Variants in CHN2 observed in about 807,000 individuals in gnomAD.
CHN2 encodes chimerin 2.
CHN2 carries 35 observed loss-of-function variants against 56.3 expected under a neutral mutation model. The ratio of observed to expected loss-of-function variants is 0.62; its 90% confidence interval spans 0.47 to 0.82. CHN2 has a LOEUF of 0.82. Among genes scored for constraint, CHN2 ranks in the 40% least tolerant of loss-of-function variants. The probability of loss-of-function intolerance (pLI) is 0.00; values close to 1 mark genes in which losing one functional copy is unlikely to be tolerated. For missense variants in CHN2, 491 were observed against 580.5 expected (o/e 0.85, Z 1.58); for synonymous variants, 210 against 212.8 (o/e 0.99, Z 0.12).
At chr7:29,504,648 T>A (rs1486525635) in intron 9 of CHN2, 96 bp from the exon 10 acceptor site, 5 of 773,230 alleles carry the variant, frequency 6.5e-6, no homozygotes, top group Non-Finnish European at 1.1e-5. Flanking sequence ...TTTGCTCATT[T>A]TCTGATAGCA....
rs1786392501 is a variant in CHN2, at chr7:29,228,401, GT to G, written c.49+33414del. Among the ~76,000 whole-genome samples, 3 of 152,252 alleles carry G rather than the reference GT, an allele frequency of 2.0e-5. No individual in the cohort carries two copies. The South Asian group carries it at 6.2e-4, about 32-fold the overall frequency. ...TTCAGTATAGTACCATGCTGTACAG[GT>G]TTGTAGCCTAGGAGCAATAGGCTCC... On this transcript the variant is annotated intron_variant, in intron 1 of 12. Coordinates refer to ENST00000222792, the MANE Select transcript of CHN2 (RefSeq NM_004067.4).
Position 29,513,161 on chromosome 7 carries a change from T to C in CHN2, c.*426T>C, listed in dbSNP as rs12611. ...ATGAAACGTGTATCGTAAAATGTAT[T>C]TTTATTTTACCCACGAGAATGTTGT... On this transcript the variant is annotated 3_prime_UTR_variant, in exon 13 of 13. Coordinates refer to ENST00000222792, the MANE Select transcript of CHN2 (RefSeq NM_004067.4). The C allele has an allele frequency of 0.36, 56,188 of 156,212 alleles. 11,037 individuals carry two copies. The highest frequency in any genetic ancestry group is 0.52 in the African/African-American group (21,511 of 41,508). 9.7% of individuals were successfully genotyped at this position (156,212 alleles called of 1,614,324 possible). A position where few individuals can be genotyped will look rare whatever the true frequency, so the allele number is the denominator to read the frequency against.
intron 6 of CHN2, among the ~76,000 whole-genome samples, chr7:29,414,455 C>T (rs879770436): frequency 4.6e-5 from 7 of 152,080 alleles, no homozygotes; most frequent in Non-Finnish European, 7.4e-5. Context: ...CACCTTCTTC[C>T]GTCCTCACAA....
chr7:29,317,236 G>A (rs1396519924), intron 1 of CHN2, among the ~76,000 whole-genome samples: 1 of 152,192 alleles, frequency 6.6e-6, no homozygotes, highest in African/African-American at 2.4e-5. Context: ...ATGGAAATAT[G>A]TGTAAACTCT....
At chr7:29,235,266 A>G (rs1787102853) in intron 1 of CHN2, among the ~76,000 whole-genome samples, 1 of 152,242 alleles carries the variant, frequency 6.6e-6, no homozygotes, top group African/African-American at 2.4e-5. Flanking sequence ...ACACACAGCC[A>G]ACAAGCATAT....
intron 3 of CHN2, among the ~76,000 whole-genome samples, chr7:29,390,539 T>C (rs756615454): frequency 2.4e-4 from 37 of 152,222 alleles, no homozygotes; most frequent in South Asian, 2.1e-4. Flanking sequence ...AATTTTTTTA[T>C]TAAGTTGCCT....
chr7:29,478,027 C>G (rs539455937), intron 6 of CHN2, among the ~76,000 whole-genome samples: 2 of 152,152 alleles, frequency 1.3e-5, no homozygotes, highest in Admixed American at 1.3e-4. Flanking sequence ...GTTATAGTCA[C>G]TATAATACAA....
chr7:29,289,782 G>T (rs906356408), intron 1 of CHN2, among the ~76,000 whole-genome samples: 3 of 152,146 alleles, frequency 2.0e-5, no homozygotes, highest in African/African-American at 7.2e-5. Context: ...TGCAAAGCAT[G>T]GCTACTTACA....
At chr7:29,171,585 G>A (rs977251036) in intron 2 of CHN2, among the ~76,000 whole-genome samples, 3 of 152,100 alleles carry the variant, frequency 2.0e-5, no homozygotes, top group African/African-American at 7.2e-5. Context: ...AACGTGGACC[G>A]GAAAGACAAA....
chr7:29,478,531 G>T (rs1386731942), intron 6 of CHN2, among the ~76,000 whole-genome samples: 1 of 152,168 alleles, frequency 6.6e-6, no homozygotes, highest in Non-Finnish European at 1.5e-5. Flanking sequence ...GCAGGATGAG[G>T]CAGCACATGG....
intron 6 of CHN2, among the ~76,000 whole-genome samples, chr7:29,446,192 G>T (rs1784022757): frequency 6.6e-6 from 1 of 152,088 alleles, no homozygotes; most frequent in African/African-American, 2.4e-5. Flanking sequence ...CACTGCTCGG[G>T]TTACAGGTGC....
intron 1 of CHN2, among the ~76,000 whole-genome samples, chr7:29,331,689 A>T (rs1796228523): frequency 6.6e-6 from 1 of 152,140 alleles, no homozygotes; most frequent in Admixed American, 6.5e-5. Flanking sequence ...ATGAACAGTG[A>T]TTTTTCATTG....
intron 6 of CHN2, among the ~76,000 whole-genome samples, chr7:29,452,570 C>A (rs1334213331): frequency 6.6e-6 from 1 of 152,204 alleles, no homozygotes; most frequent in African/African-American, 2.4e-5. Context: ...TCAGCCAGAT[C>A]AGGTGGCACA....
chr7:29,200,398 CTCCT>C (rs1259625212), intron 1 of CHN2, among the ~76,000 whole-genome samples: 3 of 135,968 alleles, frequency 2.2e-5, no homozygotes, highest in East Asian at 2.5e-4. Flanking sequence ...CCACCTTCTT[CTCCT>C]TCCTTCCTTC....
At chr7:29,152,978 G>C (rs1425364436) in intron 2 of CHN2, among the ~76,000 whole-genome samples, 1 of 152,238 alleles carries the variant, frequency 6.6e-6, no homozygotes, top group African/African-American at 2.4e-5. Flanking sequence ...TCTGAGGGGT[G>C]GCCAAAGGCC....
chr7:29,197,777 C>A, intron 1 of CHN2: 1 of 354,326 alleles, frequency 2.8e-6, no homozygotes, highest in Non-Finnish European at 5.6e-6. Context: ...GACAAACATG[C>A]AAACAGCAAC....
intron 1 of CHN2, among the ~76,000 whole-genome samples, chr7:29,290,630 C>T (rs190400392): frequency 5.3e-5 from 8 of 152,130 alleles, no homozygotes; most frequent in Admixed American, 2.6e-4. Flanking sequence ...TGGTACTTTG[C>T]GAATTACACA....
chr7:29,221,109 T>C (rs1046518558), intron 1 of CHN2, among the ~76,000 whole-genome samples: 1 of 152,220 alleles, frequency 6.6e-6, no homozygotes, highest in African/African-American at 2.4e-5. Flanking sequence ...ATTTCTTTGA[T>C]GTTATATAAC....
intron 2 of CHN2, among the ~76,000 whole-genome samples, chr7:29,178,805 C>A (rs1797703349): frequency 6.6e-6 from 1 of 152,076 alleles, no homozygotes; most frequent in African/African-American, 2.4e-5. Context: ...TGACTTAAAT[C>A]CCTATGATAT....
Sources: gnomAD v4.1 joint callset for allele counts (sites outside exome capture counted in the v4.1 genomes callset) on GRCh38, gnomAD v4.1.1 for gene constraint, MANE v1.5 for transcripts, NCBI Gene and HGNC (gene_info 2026-07-23, HGNC 2026-07-21) for gene names.